Variants in LAMB4 observed in about 807,000 individuals in gnomAD.
The protein encoded by LAMB4 is laminin subunit beta 4.
LAMB4 carries 196 observed loss-of-function variants against 199.2 expected under a neutral mutation model. That is an observed-to-expected ratio of 0.98 (90% CI 0.88 to 1.11). LAMB4 has a LOEUF of 1.11. LAMB4 is among the 50% of genes least tolerant of loss of function. The pLI, the probability that LAMB4 is intolerant of heterozygous loss-of-function variation, is 0.00. For missense variants in LAMB4, 2,080 were observed against 2,171.2 expected, an observed-to-expected ratio of 0.96 and a Z score of 0.83; for synonymous variants, 744 against 770.6, an observed-to-expected ratio of 0.97 and a Z score of 0.57.
At chr7:108,071,347 A>C (rs56250250) in intron 17 of LAMB4, among the ~76,000 whole-genome samples, 7,759 of 124,776 alleles carry the variant, frequency 0.062, 635 homozygotes, top group African/African-American at 0.24. Flanking sequence ...TCTCATCAGC[A>C]CCCCCCTAAC....
intron 17 of LAMB4, among the ~76,000 whole-genome samples, chr7:108,071,181 C>T (rs775108317): frequency 1.3e-5 from 2 of 152,194 alleles, no homozygotes; most frequent in Admixed American, 6.5e-5. Context: ...CCTCTTGCCA[C>T]TGCCCCTGTC....
At chr7:108,115,779 T>C (rs1293330272) in intron 3 of LAMB4, among the ~76,000 whole-genome samples, 7 of 152,218 alleles carry the variant, frequency 4.6e-5, no homozygotes, top group Non-Finnish European at 1.0e-4. Context: ...ATGTAAATAC[T>C]ATGCCATTTT....
At chr7:108,034,109 A>T in intron 31 of LAMB4, 99 bp downstream of exon 31, 1 of 1,133,268 alleles carries the variant, frequency 8.8e-7, no homozygotes, top group Non-Finnish European at 1.3e-6. Context: ...TAATCCCATC[A>T]GACTCGTAAA....
At chr7:108,056,701 G>A (rs1031468235) in intron 24 of LAMB4, among the ~76,000 whole-genome samples, 1 of 152,258 alleles carries the variant, frequency 6.6e-6, no homozygotes, top group African/African-American at 2.4e-5. Flanking sequence ...TGGGTGCAGT[G>A]GCTCATGCCT....
At chr7:108,061,085 T>C (rs1268230992) in intron 23 of LAMB4, among the ~76,000 whole-genome samples, 1 of 152,210 alleles carries the variant, frequency 6.6e-6, no homozygotes, top group Non-Finnish European at 1.5e-5. Flanking sequence ...TTTCGGAACC[T>C]ATAAACCCAG....
At chr7:108,109,110 G>T in intron 5 of LAMB4, 61 bp downstream of exon 5, 3 of 1,256,590 alleles carry the variant, frequency 2.4e-6, no homozygotes, top group South Asian at 1.2e-5. Flanking sequence ...TGAAATTCCA[G>T]ATAAACACTG....
At chr7:108,062,732 A>T (rs753344136) in intron 23 of LAMB4, 42 bp downstream of exon 23, 1 of 1,151,284 alleles carries the variant, frequency 8.7e-7, no homozygotes, top group Admixed American at 3.2e-5. Flanking sequence ...TCTCACTATC[A>T]TGCTCACTTT....
chr7:108,112,794 C>T (rs73725340), intron 3 of LAMB4, among the ~76,000 whole-genome samples: 1,631 of 152,274 alleles, frequency 0.011, 27 homozygotes, highest in African/African-American at 0.037. Context: ...TTCTGGGAAG[C>T]GGGGGCTGAT....
At position 108,027,859 on chromosome 7, in the gene LAMB4, C is replaced by T. The variant is rs370516041; in HGVS notation, c.5146+1184G>A. 6.6e-5 allele frequency among the ~76,000 whole-genome samples: 10 copies of T among 152,002 alleles called. No individual in the cohort carries two copies. The South Asian group carries it at 2.1e-3, about 32-fold the overall frequency. ...GTGCAGTGGCGTGATCTTGGCTCAC[C>T]GCAACCTCCGCCTCCTGGGTTCAAG... On this transcript the variant is annotated intron_variant, in intron 33 of 33. Coordinates refer to ENST00000388781, the MANE Select transcript of LAMB4 (RefSeq NM_007356.3).
At chr7:108,069,560 C>T (rs968229315) in intron 18 of LAMB4, 148 bp downstream of exon 18, 3 of 672,258 alleles carry the variant, frequency 4.5e-6, no homozygotes, top group East Asian at 2.6e-5. Context: ...GATTCCAACA[C>T]ATCAGCAGAC....
rs116114078 is a variant in LAMB4 at position 108,065,041 on chromosome 7, G to A, written c.2836+721C>T. On this transcript the variant is annotated intron_variant, in intron 21 of 33. Transcript: ENST00000388781. ...TTGCCTCAGCCTCCCCAGTACCTAG[G>A]GCTACAGGTGCAATCCATCATGCCT... is the stretch of plus-strand genomic sequence containing the variant. Among the ~76,000 whole-genome samples the A allele has an allele frequency of 4.3e-3, 654 of 151,676 alleles. 4 individuals are homozygous for A. Among genetic ancestry groups the A allele is most frequent in the African/African-American group, 0.015 (603 of 41,340 alleles).
At chr7:108,127,751 T>C (rs1420945500) in intron 1 of LAMB4, among the ~76,000 whole-genome samples, 2 of 152,154 alleles carry the variant, frequency 1.3e-5, no homozygotes, top group African/African-American at 4.8e-5. Flanking sequence ...ACCACTGCCC[T>C]AAGCAACTCC....
chr7:108,059,726 C>T (rs745847163), intron 23 of LAMB4, among the ~76,000 whole-genome samples: 1 of 152,092 alleles, frequency 6.6e-6, no homozygotes, highest in African/African-American at 2.4e-5. Context: ...GAAGCCTGCA[C>T]GCAATGAAAA....
At chr7:108,108,825 C>T (rs924720191) in intron 5 of LAMB4, among the ~76,000 whole-genome samples, 14 of 151,860 alleles carry the variant, frequency 9.2e-5, no homozygotes, top group East Asian at 5.8e-4. Context: ...TTTTCTTTCC[C>T]CTTGATTACA....
intron 19 of LAMB4, among the ~76,000 whole-genome samples, chr7:108,067,170 C>T (rs2036372398): frequency 6.6e-6 from 1 of 152,002 alleles, no homozygotes; most frequent in Non-Finnish European, 1.5e-5. Flanking sequence ...TTGTCTAGAT[C>T]CCTCTGTGTA....
Position 108,082,329 on chromosome 7 carries a change from TAA to T in LAMB4, c.1702-2545_1702-2544del, listed in dbSNP as rs34929844. Among the ~76,000 whole-genome samples the T allele has an allele frequency of 2.2e-3, 231 of 104,636 alleles. 1 individual carries two copies. Among genetic ancestry groups the T allele is most frequent in the South Asian group, 5.6e-3 (18 of 3,196 alleles). 68.6% of individuals were successfully genotyped at this position (104,636 alleles called of 152,430 possible). A position where few individuals can be genotyped will look rare whatever the true frequency, so the allele number is the denominator to read the frequency against. ...TGGGCGAAAGAGCGAGACTCCGTCTTAAAAAAAAAAAAAAAAAAAAAAGAGTC... is the reference window on the plus strand; with the variant it reads ...TGGGCGAAAGAGCGAGACTCCGTCTTAAAAAAAAAAAAAAAAAAAAGAGTC... On this transcript the variant is annotated intron_variant, in intron 14 of 33. Coordinates refer to ENST00000388781, the MANE Select transcript of LAMB4 (RefSeq NM_007356.3).
intron 29 of LAMB4, among the ~76,000 whole-genome samples, chr7:108,041,670 C>T (rs888231215): frequency 3.9e-5 from 6 of 152,180 alleles, no homozygotes; most frequent in Admixed American, 3.9e-4. Context: ...CGCATGTTCT[C>T]ACTTATAAAT....
At chr7:108,022,161 T>C (rs1181887702), downstream of LAMB4, among the ~76,000 whole-genome samples, 1 of 152,222 alleles carries the variant, frequency 6.6e-6, no homozygotes, top group African/African-American at 2.4e-5. Context: ...AGCCATTTCT[T>C]TTTGTATGCT....
At chr7:108,031,754 A>T (rs1636954) in intron 31 of LAMB4, among the ~76,000 whole-genome samples, 19,323 of 152,136 alleles carry the variant, frequency 0.13, 2,192 homozygotes, top group African/African-American at 0.31. Context: ...TTACCAGTTT[A>T]AAGCATTCCA....
Sources: allele counts gnomAD v4.1 joint callset (sites outside exome capture counted in the v4.1 genomes callset), GRCh38; gene constraint gnomAD v4.1.1; transcripts MANE v1.5; gene names NCBI Gene and HGNC (gene_info 2026-07-23, HGNC 2026-07-21).